PPARGC1A: variants seen among roughly 807,000 people sequenced by gnomAD.
PPARGC1A encodes the protein PPARG coactivator 1 alpha.
Under a neutral mutation model 88.7 loss-of-function variants are expected in PPARGC1A, and 25 were observed. The observed-to-expected ratio is 0.28, with a 90% CI of 0.21 to 0.39. PPARGC1A has a LOEUF of 0.39. Ranked by LOEUF, PPARGC1A falls within the 10% of genes least tolerant of loss-of-function variation. The probability of loss-of-function intolerance (pLI) is 1.00; values close to 1 mark genes in which losing one functional copy is unlikely to be tolerated. For synonymous variants in PPARGC1A, 363 were observed against 355.6 expected (o/e 1.02, Z -0.24); for missense variants, 880 against 968.7 (o/e 0.91, Z 1.22).
In PPARGC1A at chr4:23,814,636, AGAG is replaced by A. The variant is rs746547314; in HGVS notation, c.878-34_878-32del. On this transcript the variant is annotated intron_variant, in intron 7 of 12. Coordinates refer to ENST00000264867, the MANE Select transcript of PPARGC1A (RefSeq NM_013261.5). ...GCAAAAATTAAAAAAAAAAAAAAAA[AGAG>A]AGAGAAAGAAAAGAGACAGAGATAA... 73 of 1,205,544 alleles carry A rather than the reference AGAG, an allele frequency of 6.1e-5. No homozygotes were observed. In the African/African-American group the frequency reaches 1.1e-3, roughly 18 times the overall value. The allele number at this position is 1,205,544 out of a possible 1,614,324, so 74.7% of individuals were successfully genotyped here. A position where few individuals can be genotyped will look rare whatever the true frequency, so the allele number is the denominator to read the frequency against.
the PPARGC1A span, among the ~76,000 whole-genome samples, chr4:24,284,094 C>A: frequency 6.7e-6 from 1 of 148,764 alleles, no homozygotes; most frequent in African/African-American, 2.5e-5. Flanking sequence ...ACCAGCCTGG[C>A]CAACATGGTG....
chr4:24,074,532 C>T, the PPARGC1A span, among the ~76,000 whole-genome samples: 7,591 of 152,136 alleles, frequency 0.05, 563 homozygotes, highest in African/African-American at 0.16. Context: ...AATGATTTGA[C>T]ATACAAATAT....
At chr4:24,285,528 G>A in the PPARGC1A span, among the ~76,000 whole-genome samples, 14 of 152,312 alleles carry the variant, frequency 9.2e-5, no homozygotes, top group South Asian at 2.1e-4. Flanking sequence ...TTACTATGGC[G>A]AGTGTTGTCA....
At chr4:24,089,510 C>CT in the PPARGC1A span, among the ~76,000 whole-genome samples, 2,087 of 33,652 alleles carry the variant, frequency 0.062, 77 homozygotes, top group African/African-American at 0.1. Context: ...CTTTTCTTTT[C>CT]TTTCTTTTTT....
the PPARGC1A span, among the ~76,000 whole-genome samples, chr4:24,185,706 CT>C: frequency 7.4e-4 from 113 of 152,262 alleles, 1 homozygote; most frequent in Middle Eastern, 3.4e-3. Context: ...GAATTTTTAA[CT>C]TTTTCCTCTC....
chr4:24,138,524 G>T, the PPARGC1A span, among the ~76,000 whole-genome samples: 2 of 152,184 alleles, frequency 1.3e-5, no homozygotes. Context: ...TGTTTGTTTT[G>T]GGGCCTCTGG....
chr4:24,448,341 C>T, the PPARGC1A span, among the ~76,000 whole-genome samples: 1 of 152,196 alleles, frequency 6.6e-6, no homozygotes, highest in Non-Finnish European at 1.5e-5. Flanking sequence ...TAGGTGAATG[C>T]CTCTCCATCT....
the PPARGC1A span, among the ~76,000 whole-genome samples, chr4:24,256,335 T>C: frequency 1.3e-5 from 2 of 152,200 alleles, no homozygotes; most frequent in Non-Finnish European, 2.9e-5. Context: ...TCAACAAGTC[T>C]GCCTTCATCA....
chr4:24,392,297 T>C, the PPARGC1A span, among the ~76,000 whole-genome samples: 2 of 152,230 alleles, frequency 1.3e-5, no homozygotes, highest in Non-Finnish European at 2.9e-5. Flanking sequence ...GTGTCAGTCT[T>C]GATTGTACTG....
At chr4:24,121,148 GC>G in the PPARGC1A span, among the ~76,000 whole-genome samples, 1 of 152,208 alleles carries the variant, frequency 6.6e-6, no homozygotes, top group Non-Finnish European at 1.5e-5. Flanking sequence ...TTCCAGTGGG[GC>G]TGGATCAGAA....
the PPARGC1A span, among the ~76,000 whole-genome samples, chr4:24,064,674 G>T: frequency 6.6e-6 from 1 of 152,074 alleles, no homozygotes; most frequent in Non-Finnish European, 1.5e-5. Context: ...TTCATAAAAA[G>T]TCATTGCCTT....
intron 2 of PPARGC1A, among the ~76,000 whole-genome samples, chr4:23,844,738 A>ATATATTATTATAATATATATATAT (rs570932595): frequency 6.9e-4 from 21 of 30,218 alleles, no homozygotes; most frequent in African/African-American, 1.8e-3. Context: ...AATATATGAT[A>ATATATTATTATAATATATATATAT]TATCATAATA....
At chr4:24,019,846 G>C in the PPARGC1A span, among the ~76,000 whole-genome samples, 1 of 152,038 alleles carries the variant, frequency 6.6e-6, no homozygotes, top group Non-Finnish European at 1.5e-5. Flanking sequence ...GACTGCAAAG[G>C]GAATACCACA....
the PPARGC1A span, among the ~76,000 whole-genome samples, chr4:24,226,103 A>C: frequency 6.6e-6 from 1 of 152,130 alleles, no homozygotes; most frequent in East Asian, 1.9e-4. Context: ...CCCTTTTGCC[A>C]TTCTGCTAAA....
the PPARGC1A span, among the ~76,000 whole-genome samples, chr4:24,273,632 AACCAG>A: frequency 6.6e-6 from 1 of 152,072 alleles, no homozygotes; most frequent in Non-Finnish European, 1.5e-5. Flanking sequence ...AGACAAAAAC[AACCAG>A]GCCCAGGTCT....
chr4:24,471,378 A>G, the PPARGC1A span, among the ~76,000 whole-genome samples: 1 of 151,930 alleles, frequency 6.6e-6, no homozygotes, highest in Non-Finnish European at 1.5e-5. The surrounding 1 kb of genome is among the most constrained non-coding windows in gnomAD (Gnocchi z 5.4). Context: ...ACGTACACAC[A>G]TGCCTCCCCT....
chr4:24,362,346 A>G, the PPARGC1A span, among the ~76,000 whole-genome samples: 1 of 146,052 alleles, frequency 6.8e-6, no homozygotes, highest in Non-Finnish European at 1.5e-5. Context: ...TCTTGAACAC[A>G]TGACTGGATG....
At chr4:24,197,445 C>G in the PPARGC1A span, among the ~76,000 whole-genome samples, 1 of 152,212 alleles carries the variant, frequency 6.6e-6, no homozygotes, top group African/African-American at 2.4e-5. Context: ...GGGCCTCTCT[C>G]TCTTTTGAAC....
chr4:24,167,578 C>A, the PPARGC1A span, among the ~76,000 whole-genome samples: 1 of 152,174 alleles, frequency 6.6e-6, no homozygotes, highest in Admixed American at 6.5e-5. Flanking sequence ...AGGCAAACTT[C>A]TCTGCTGTCT....
Sources: gnomAD v4.1 joint callset for allele counts (sites outside exome capture counted in the v4.1 genomes callset) on GRCh38, gnomAD v4.1.1 for gene constraint, Gnocchi (gnomAD v3.1) non-coding constraint, MANE v1.5 for transcripts, NCBI Gene and HGNC (gene_info 2026-07-23, HGNC 2026-07-21) for gene names.